The following DLG2 variants were observed in gnomAD, a reference collection of about 807,000 sequenced individuals.
DLG2 encodes the protein discs large MAGUK scaffold protein 2.
In DLG2, 45 loss-of-function variants were observed where a neutral mutation model predicts 132.5. That is an observed-to-expected ratio of 0.34 (90% CI 0.27 to 0.44). The LOEUF (loss-of-function observed/expected upper bound fraction) is 0.44, where lower values mean the gene tolerates loss of function less well. Ranked by LOEUF, DLG2 falls within the 20% of genes least tolerant of loss-of-function variation. The pLI, the probability that DLG2 is intolerant of heterozygous loss-of-function variation, is 1.00. For missense variants in DLG2, 1,045 were observed against 1,196.9 expected, an observed-to-expected ratio of 0.87 and a Z score of 1.87; for synonymous variants, 424 against 419.6, an observed-to-expected ratio of 1.01 and a Z score of -0.13.
At chr11:84,077,648 T>A (rs1041479911) in intron 10 of DLG2, among the ~76,000 whole-genome samples, 8 of 152,242 alleles carry the variant, frequency 5.3e-5, no homozygotes, top group Non-Finnish European at 8.8e-5. Context: ...CTACTGTGAA[T>A]TGTAAAATTT....
intron 6 of DLG2, among the ~76,000 whole-genome samples, chr11:84,815,161 A>G (rs1056580498): frequency 1.3e-5 from 2 of 152,130 alleles, no homozygotes; most frequent in African/African-American, 4.8e-5. Flanking sequence ...AACTGTTTGT[A>G]GGAAATACAA....
intron 15 of DLG2, among the ~76,000 whole-genome samples, chr11:83,913,844 A>T (rs993252269): frequency 6.6e-6 from 1 of 152,164 alleles, no homozygotes; most frequent in Non-Finnish European, 1.5e-5. Flanking sequence ...AGATTGGAAG[A>T]TTAATCAGGT....
At chr11:85,397,417 C>A (rs2087512089) in intron 3 of DLG2, among the ~76,000 whole-genome samples, 1 of 152,122 alleles carries the variant, frequency 6.6e-6, no homozygotes, top group Non-Finnish European at 1.5e-5. Flanking sequence ...AGATCAAGTT[C>A]AAACATAATA....
intron 6 of DLG2, among the ~76,000 whole-genome samples, chr11:84,977,171 A>C (rs1161100774): frequency 6.6e-6 from 1 of 152,154 alleles, no homozygotes; most frequent in Non-Finnish European, 1.5e-5. Flanking sequence ...CTATTGACAC[A>C]TGGCATTCCC....
chr11:85,410,354 T>C (rs1300718162), intron 3 of DLG2, among the ~76,000 whole-genome samples: 9 of 151,678 alleles, frequency 5.9e-5, no homozygotes, highest in African/African-American at 2.2e-4. Context: ...TGAATATTAA[T>C]AAATATAAAT....
intron 6 of DLG2, among the ~76,000 whole-genome samples, chr11:85,069,760 C>A (rs2065514089): frequency 6.6e-6 from 1 of 152,104 alleles, no homozygotes; most frequent in Non-Finnish European, 1.5e-5. Context: ...CCTCAGGGAT[C>A]TAGAACTAGA....
intron 16 of DLG2, among the ~76,000 whole-genome samples, chr11:83,861,593 T>C (rs957571351): frequency 6.6e-6 from 1 of 152,192 alleles, no homozygotes; most frequent in Non-Finnish European, 1.5e-5. Context: ...TGGAGATCAT[T>C]ATATTAAGTG....
intron 7 of DLG2, chr11:84,272,409 T>C (rs138489081): frequency 4.6e-4 from 147 of 317,812 alleles, no homozygotes; most frequent in African/African-American, 2.9e-3. Flanking sequence ...TCTTCTCTCA[T>C]AGCTAATTGG....
chr11:83,676,372 A>T (rs1364406221), intron 18 of DLG2, among the ~76,000 whole-genome samples: 2 of 152,162 alleles, frequency 1.3e-5, no homozygotes, highest in Non-Finnish European at 2.9e-5. Context: ...ACAGGATCAG[A>T]TCTCTTGAAG....
At chr11:85,390,750 G>C (rs764036285) in intron 3 of DLG2, among the ~76,000 whole-genome samples, 1 of 151,988 alleles carries the variant, frequency 6.6e-6, no homozygotes, top group Non-Finnish European at 1.5e-5. Context: ...AACAATAAGA[G>C]TATCAAAACC....
intron 6 of DLG2, chr11:85,020,975 G>C (rs2060013737): frequency 1.5e-5 from 12 of 778,348 alleles, no homozygotes; most frequent in Non-Finnish European, 2.9e-5. Context: ...TCACGGAGCT[G>C]CTGCTCTGCT....
intron 5 of DLG2, among the ~76,000 whole-genome samples, chr11:85,138,935 T>G (rs927933563): frequency 6.6e-6 from 1 of 152,058 alleles, no homozygotes; most frequent in Admixed American, 6.6e-5. Context: ...CTCAATATAG[T>G]GTTTCACTCT....
chr11:85,347,797 C>CTTT lies in DLG2; in HGVS notation c.41-62435_41-62433dup, dbSNP rs1168590401. ...AGGGCATGGTACACTAAGAGGCACTCTTTTTTTTTTTTTTTTTTTTTTTTG... is the reference window on the plus strand; with the variant it reads ...AGGGCATGGTACACTAAGAGGCACTCTTTTTTTTTTTTTTTTTTTTTTTTTTTG... On this transcript the variant is annotated intron_variant, in intron 3 of 27. Coordinates refer to ENST00000376104, the MANE Select transcript of DLG2 (RefSeq NM_001142699.3). 2.3e-3 allele frequency among the ~76,000 whole-genome samples: 214 copies of CTTT among 94,934 alleles called. 16 individuals are homozygous for CTTT. The highest frequency in any genetic ancestry group is 8.3e-3 in the African/African-American group (194 of 23,338). 62.3% of individuals were successfully genotyped at this position (94,934 alleles called of 152,430 possible).
At chr11:85,626,322 C>T (rs11603256) in intron 2 of DLG2, among the ~76,000 whole-genome samples, 40,488 of 152,018 alleles carry the variant, frequency 0.27, 5,927 homozygotes, top group East Asian at 0.39. Context: ...CTAAAGGAGA[C>T]TCCAAATCTG....
At chr11:84,617,361 C>T (rs995141507) in intron 6 of DLG2, among the ~76,000 whole-genome samples, 1 of 152,142 alleles carries the variant, frequency 6.6e-6, no homozygotes, top group South Asian at 2.1e-4. Flanking sequence ...ATATGTACCA[C>T]ATTTTCTTTA....
chr11:85,153,470 T>G (rs957605755), intron 5 of DLG2, among the ~76,000 whole-genome samples: 5 of 152,150 alleles, frequency 3.3e-5, no homozygotes, highest in Non-Finnish European at 7.4e-5. Flanking sequence ...GATTCATCAT[T>G]TCTCTATAAG....
chr11:84,251,373 G>T, intron 7 of DLG2, 82 bp from the exon 8 acceptor site: 2 of 1,071,494 alleles, frequency 1.9e-6, no homozygotes, highest in Non-Finnish European at 2.7e-6. Flanking sequence ...ATTTAACAAA[G>T]AGCTCAACAG....
At position 84,697,342 on chromosome 11, in the gene DLG2, A is replaced by G. The variant is rs549128280; in HGVS notation, c.358-162611T>C. ...ACCTATTCATCCTAGCCGAATTAGT[A>G]TCCCAATCTCTTCCTAAGAATACAC... On this transcript the variant is annotated intron_variant, in intron 6 of 27. Transcript: ENST00000376104. 3.3e-5 allele frequency among the ~76,000 whole-genome samples: 5 copies of G among 151,644 alleles called. No homozygotes were observed. In the South Asian group the frequency reaches 1.0e-3, roughly 31 times the overall value.
chr11:85,510,683 C>T (rs189981689), intron 3 of DLG2, among the ~76,000 whole-genome samples: 6 of 152,276 alleles, frequency 3.9e-5, no homozygotes, highest in Admixed American at 2.0e-4. Context: ...TACCACCTCA[C>T]GCCAGTTAGA....
Sources: gnomAD v4.1 joint callset for allele counts (sites outside exome capture counted in the v4.1 genomes callset) on GRCh38, gnomAD v4.1.1 for gene constraint, MANE v1.5 for transcripts, NCBI Gene and HGNC (gene_info 2026-07-23, HGNC 2026-07-21) for gene names.